PCNX3: variants seen among roughly 807,000 people sequenced by gnomAD.
PCNX3 encodes pecanex 3.
PCNX3 carries 58 observed loss-of-function variants against 207.2 expected under a neutral mutation model. That is an observed-to-expected ratio of 0.28 (90% confidence interval 0.23 to 0.35). The LOEUF (loss-of-function observed/expected upper bound fraction) is 0.35. PCNX3 is among the 10% of genes least tolerant of loss of function. The pLI, the probability that PCNX3 is intolerant of heterozygous loss-of-function variation, is 1.00. For missense variants in PCNX3, 2,410 were observed against 2,774.4 expected (o/e 0.87, Z 2.95); for synonymous variants, 1,337 against 1,183.5 (o/e 1.13, Z -2.66).
chr11:65,623,049 C>T (rs545192440), intron 11 of PCNX3, among the ~76,000 whole-genome samples: 1 of 152,350 alleles, frequency 6.6e-6, no homozygotes, highest in Admixed American at 6.5e-5. Context: ...AGTCAGATGA[C>T]TTCTACCCAG....
At position 65,628,856 on chromosome 11, in the gene PCNX3, G is replaced by T; in HGVS notation, c.3849G>T (p.Gly1283=). 1 of 1,612,428 alleles carries T rather than the reference G, an allele frequency of 6.2e-7. No individual in the cohort carries two copies. The highest frequency in any genetic ancestry group is 1.1e-5 in the South Asian group (1 of 91,044). The change falls in exon 24 of 35, where the codon GGG becomes GGT. Residue 1283 remains glycine, a synonymous_variant. Coordinates refer to ENST00000355703, the MANE Select transcript of PCNX3 (RefSeq NM_032223.4). ...AMLFVQALLS[G]LFSTPLNPLL... ...TGTTCGTCCAGGCCCTGCTCTCGGG[G>T]CTCTTCTCCACGCCTCTCAACCCAC...
At position 65,624,959 on chromosome 11, in the gene PCNX3, C is replaced by T. The variant is rs1390321976; in HGVS notation, c.2862C>T (p.Leu954=). ...GCCCGCTCACGGCAGTCTTCAGCCT[C>T]TCCCGCAGCCTGCTGGCTGCTGCCC... is the stretch of plus-strand genomic sequence containing the variant. ...ATSPLTAVFS[L]SRSLLAAALL... is the part of the protein sequence containing the mutation. The change falls in exon 16 of 35, where the codon CTC becomes CTT. Residue 954 remains leucine (L), a synonymous_variant. Coordinates refer to ENST00000355703, the MANE Select transcript of PCNX3 (RefSeq NM_032223.4). 1.2e-6 allele frequency: 2 copies of T among 1,612,352 alleles called. No individual in the cohort carries two copies. The highest frequency in any genetic ancestry group is 2.7e-5 in the African/African-American group (2 of 74,924).
At position 65,619,816 on chromosome 11, in the gene PCNX3, C is replaced by T; in HGVS notation, c.1892C>T (p.Ser631Phe). The change falls in exon 8 of 35, where the codon TCT becomes TTT. Residue 631 changes from serine (S) to phenylalanine (F), a missense_variant. Ser to Phe is a radical substitution (Grantham distance 155). Around this residue, in one of 8 missense-constraint regions of PCNX3, gnomAD observed 1,104 missense variants for 970.3 expected, o/e 1.14. Transcript: ENST00000355703. ...ASHSRALTLPSALHFASSLLL... is the reference protein window; with the variant it reads ...ASHSRALTLPFALHFASSLLL... Reference sequence around the variant, plus strand: ...CACTCCCGGGCGCTGACGCTGCCCTCTGCGCTGCATTTCGCCTCTTCACTG... The same window carrying T: ...CACTCCCGGGCGCTGACGCTGCCCTTTGCGCTGCATTTCGCCTCTTCACTG... 1 of 1,600,586 alleles carries T rather than the reference C, an allele frequency of 6.2e-7. No individual in the cohort carries two copies.
In PCNX3 at chr11:65,625,069, G is replaced by T; in HGVS notation, c.2919+53G>T. 2 of 1,579,048 alleles carry T rather than the reference G, an allele frequency of 1.3e-6. No homozygotes were observed. The highest frequency in any genetic ancestry group is 8.6e-7 in the Non-Finnish European group (1 of 1,157,876). Reference sequence around the variant, plus strand: ...TGCTGCAGTGCGTAAGGGTGGTTGGGGCGGGGCTGTGAACTGGGCTCAGCA... The same window carrying T: ...TGCTGCAGTGCGTAAGGGTGGTTGGTGCGGGGCTGTGAACTGGGCTCAGCA... On this transcript the variant is annotated intron_variant, in intron 16 of 34. Coordinates refer to ENST00000355703, the MANE Select transcript of PCNX3 (RefSeq NM_032223.4). The surrounding 1 kb of genome is among the most constrained non-coding windows in gnomAD (Gnocchi z 5.6).
In PCNX3 at chr11:65,635,272, A is replaced by G. The variant is rs1357772115; in HGVS notation, c.5008A>G (p.Ile1670Val). The part of the protein sequence containing the change: ...YEEPAALYDA[I>V]AANEERLVIS... ...GGAGCCAGCAGCCCTATACGATGCC[A>G]TTGCGGCCAACGAGGAGCGGCTGGT... Residue 1670 changes from isoleucine (I) to valine (V), a missense_variant, in exon 31 of 35, where the codon ATT (isoleucine) becomes GTT (valine). By Grantham distance (29) the Ile-to-Val change is conservative. Transcript: ENST00000355703. The surrounding 1 kb of genome is among the most constrained non-coding windows in gnomAD (Gnocchi z 9.9). 2 of 1,590,656 alleles carry G rather than the reference A, an allele frequency of 1.3e-6. No homozygotes were observed. The highest frequency in any genetic ancestry group is 1.3e-5 in the African/African-American group (1 of 74,240).
chr11:65,616,585 C>A, intron 1 of PCNX3, 121 bp downstream of exon 1: 1 of 1,275,428 alleles, frequency 7.8e-7, no homozygotes, highest in Non-Finnish European at 1.1e-6. Context: ...GAGTTTGGGT[C>A]TGTGTGGAAG....
chr11:65,624,918 C>T lies in PCNX3; in HGVS notation c.2828-7C>T. The T allele has an allele frequency of 1.2e-6, 2 of 1,605,192 alleles. No homozygotes were observed. Among genetic ancestry groups the T allele is most frequent in the Non-Finnish European group, 1.7e-6 (2 of 1,177,658 alleles). ...AGAGCTGGGCTGTACTTCTCCCTTC[C>T]ACACAGCTGCCACCAGCCCGCTCAC... On this transcript the variant is annotated splice_region_variant and splice_polypyrimidine_tract_variant and intron_variant, in intron 15 of 34. Transcript: ENST00000355703.
intron 27 of PCNX3, among the ~76,000 whole-genome samples, chr11:65,631,880 A>T (rs1256750515): frequency 1.3e-5 from 2 of 152,026 alleles, no homozygotes; most frequent in African/African-American, 4.8e-5. Context: ...TCTCCAAAGG[A>T]AATCCTGTCC....
chr11:65,618,797 G>A lies in PCNX3; in HGVS notation c.1435G>A (p.Ala479Thr). The change falls in exon 6 of 35, where the codon GCT becomes ACT. Residue 479 changes from alanine (A) to threonine (T), a missense_variant. Ala to Thr is a moderately conservative substitution (Grantham distance 58). Transcript: ENST00000355703. ...RAPHGAEEGTAVPPKRPYGTQ... is the reference protein window; with the variant it reads ...RAPHGAEEGTTVPPKRPYGTQ... ...CCCCCATGGGGCTGAGGAGGGAACTGCTGTGCCCCCCAAGCGGCCATATGG... is the reference window on the plus strand; with the variant it reads ...CCCCCATGGGGCTGAGGAGGGAACTACTGTGCCCCCCAAGCGGCCATATGG... 6.2e-7 allele frequency: 1 copy of A among 1,611,386 alleles called. No homozygotes were observed. Among genetic ancestry groups the A allele is most frequent in the Non-Finnish European group, 8.5e-7 (1 of 1,179,332 alleles).
At position 65,625,189 on chromosome 11, in the gene PCNX3, C is replaced by T. The variant is rs1855319204; in HGVS notation, c.2938C>T (p.His980Tyr). ...TCCGCAGACTCCGTGGCCAGAGCAG[C>T]ACGTCCCTGTCCTCTTCTCAGTCTT... ...GAIKTPWPEQ[H>Y]VPVLFSVFCG... Residue 980 changes from histidine (H) to tyrosine (Y), a missense_variant, in exon 17 of 35, where the codon CAC becomes TAC. By Grantham distance (83) the His-to-Tyr change is moderately conservative. Transcript: ENST00000355703. This position sits in a 1 kb window ranked among gnomAD's most constrained non-coding sequence, Gnocchi z 5.6. 6.2e-7 allele frequency: 1 copy of T among 1,609,212 alleles called. No individual in the cohort carries two copies. Among genetic ancestry groups the T allele is most frequent in the Non-Finnish European group, 8.5e-7 (1 of 1,179,060 alleles).
Position 65,622,300 on chromosome 11 carries a change from G to A in PCNX3, c.2291G>A (p.Trp764Ter), listed in dbSNP as rs1415691406. Residue 764 changes from tryptophan (W) to a stop codon, truncating the protein, a stop_gained, in exon 11 of 35, where the codon TGG becomes TAG. Transcript: ENST00000355703. LOFTEE classifies it high-confidence loss of function. ...CGGGCCCAGCATAGTTACAAGTACT[G>A]GCTTCTCCCTGGCCGCTGGACCTCT... ...PPRAQHSYKY[W>*]LLPGRWTSVR... The A allele has an allele frequency of 6.3e-7, 1 of 1,599,394 alleles. No homozygotes were observed. The highest frequency in any genetic ancestry group is 1.3e-5 in the African/African-American group (1 of 74,670).
At chr11:65,628,795 G>A (rs775128884) in intron 23 of PCNX3, 24 bp from the exon 24 acceptor site, 11 of 1,608,950 alleles carry the variant, frequency 6.8e-6, no homozygotes, top group East Asian at 4.5e-5. Context: ...CCTGTTGCCC[G>A]CCGCCTCCTT....
intron 13 of PCNX3, 41 bp from the exon 14 acceptor site, chr11:65,624,154 C>T: frequency 6.3e-7 from 1 of 1,579,470 alleles, no homozygotes; most frequent in South Asian, 1.1e-5. Context: ...AGAGGTGTGG[C>T]CAGTCGGGGA....
intron 22 of PCNX3, among the ~76,000 whole-genome samples, chr11:65,627,990 A>G (rs922553319): frequency 2.0e-5 from 3 of 152,172 alleles, no homozygotes; most frequent in Non-Finnish European, 2.9e-5. Flanking sequence ...CTGGGTGTGT[A>G]TAGGTGCTCT....
At chr11:65,636,366 C>T in intron 33 of PCNX3, 25 bp from the exon 34 acceptor site, 1 of 1,588,692 alleles carries the variant, frequency 6.3e-7, no homozygotes, top group Non-Finnish European at 8.6e-7. Flanking sequence ...GCTGAGGCCT[C>T]TGCTGTCTTA....
intron 27 of PCNX3, among the ~76,000 whole-genome samples, chr11:65,631,274 T>C (rs1855606367): frequency 6.6e-6 from 1 of 151,754 alleles, no homozygotes; most frequent in Non-Finnish European, 1.5e-5. Flanking sequence ...GGAATGGGGG[T>C]TCTGATCAGC....
rs763159228 is a variant in PCNX3 at position 65,618,040 on chromosome 11, C to T, written c.678C>T (p.Pro226=). 2.5e-6 allele frequency: 4 copies of T among 1,607,132 alleles called. No homozygotes were observed. The highest frequency in any genetic ancestry group is 1.7e-6 in the Non-Finnish European group (2 of 1,177,310). ...EPSPLAGDGA[P]WSGSSMADTP... Reference sequence around the variant, plus strand: ...CTCCCCTGGCTGGAGATGGAGCGCCCTGGAGTGGGAGCAGCATGGCTGACA... The same window carrying T: ...CTCCCCTGGCTGGAGATGGAGCGCCTTGGAGTGGGAGCAGCATGGCTGACA... The change falls in exon 6 of 35, where the codon CCC becomes CCT. Residue 226 remains proline (P), a synonymous_variant. Coordinates refer to ENST00000355703, the MANE Select transcript of PCNX3 (RefSeq NM_032223.4).
intron 11 of PCNX3, 94 bp downstream of exon 11, chr11:65,622,460 G>A (rs1855158227): frequency 7.1e-7 from 1 of 1,414,656 alleles, no homozygotes; most frequent in Non-Finnish European, 9.4e-7. Flanking sequence ...CATGGCAGCA[G>A]AGAGCCTGAC....
chr11:65,619,800 G>T lies in PCNX3; in HGVS notation c.1876G>T (p.Ala626Ser), dbSNP rs758146475. ...GGGCCGGGCTGCCTCCCACTCCCGG[G>T]CGCTGACGCTGCCCTCTGCGCTGCA... The part of the protein sequence containing the change: ...QRGRAASHSR[A>S]LTLPSALHFA... The change falls in exon 8 of 35, where the codon GCG becomes TCG. Residue 626 changes from alanine to serine, a missense_variant. Around this residue, in one of 8 missense-constraint regions of PCNX3, gnomAD observed 1,104 missense variants for 970.3 expected, o/e 1.14. Transcript: ENST00000355703. 5.0e-6 allele frequency: 8 copies of T among 1,590,598 alleles called. No individual in the cohort carries two copies. Among genetic ancestry groups the T allele is most frequent in the Admixed American group, 1.7e-5 (1 of 58,256 alleles).
Sources: gnomAD v4.1 joint callset for allele counts (sites outside exome capture counted in the v4.1 genomes callset) on GRCh38, gnomAD v4.1.1 for gene constraint, gnomAD v4.1.1 regional missense constraint, Gnocchi (gnomAD v3.1) non-coding constraint, MANE v1.5 for transcripts, NCBI Gene and HGNC (gene_info 2026-07-23, HGNC 2026-07-21) for gene names.